Variants in PATJ observed in about 807,000 individuals in gnomAD.
PATJ encodes the protein inaD-like protein.
PATJ carries 190 observed loss-of-function variants against 224.9 expected under a neutral mutation model. The ratio of observed to expected loss-of-function variants is 0.84; its 90% CI spans 0.75 to 0.95. The LOEUF is 0.95. PATJ is among the 40% of genes least tolerant of loss of function. PATJ has a pLI of 0.00. For synonymous variants in PATJ, 769 were observed against 820.3 expected (o/e 0.94, Z 1.07); for missense variants, 2,121 against 2,270.3 (o/e 0.93, Z 1.34).
At chr1:61,967,818 C>T (rs1682385310) in intron 27 of PATJ, among the ~76,000 whole-genome samples, 1 of 152,140 alleles carries the variant, frequency 6.6e-6, no homozygotes, top group South Asian at 2.1e-4. Flanking sequence ...TTCTGTTTTG[C>T]TTGCTTTTTA....
chr1:62,101,627 C>G (rs547103176), intron 33 of PATJ, among the ~76,000 whole-genome samples: 9 of 152,218 alleles, frequency 5.9e-5, no homozygotes, highest in Admixed American at 5.9e-4. Context: ...CCTGGTTGTC[C>G]ATTTTTTCTT....
intron 15 of PATJ, among the ~76,000 whole-genome samples, chr1:61,824,506 G>T (rs1305678968): frequency 6.7e-6 from 1 of 149,490 alleles, no homozygotes; most frequent in African/African-American, 2.5e-5. Context: ...GCTTACTGCA[G>T]CGTCAAACTC....
At chr1:61,754,518 A>ATTTT (rs1557582039) in intron 1 of PATJ, among the ~76,000 whole-genome samples, 1 of 108,416 alleles carries the variant, frequency 9.2e-6, no homozygotes. Context: ...AATTTTTTGC[A>ATTTT]TGTTTTTTTT....
At chr1:62,006,643 C>T (rs1453554067) in intron 28 of PATJ, among the ~76,000 whole-genome samples, 1 of 152,190 alleles carries the variant, frequency 6.6e-6, no homozygotes, top group Admixed American at 6.5e-5. Flanking sequence ...AATGTTATAA[C>T]TAAGTATCCC....
intron 17 of PATJ, among the ~76,000 whole-genome samples, chr1:61,853,320 T>C (rs1663131970): frequency 6.6e-6 from 1 of 152,204 alleles, no homozygotes; most frequent in Non-Finnish European, 1.5e-5. Context: ...GAAAACCTCC[T>C]CACCTATTTG....
chr1:61,805,955 T>C (rs1653462419), intron 13 of PATJ, among the ~76,000 whole-genome samples: 1 of 152,252 alleles, frequency 6.6e-6, no homozygotes, highest in Non-Finnish European at 1.5e-5. Flanking sequence ...TCTTACAGTT[T>C]TATGTGAAAA....
intron 17 of PATJ, among the ~76,000 whole-genome samples, chr1:61,841,517 A>G (rs895134134): frequency 6.6e-6 from 1 of 152,080 alleles, no homozygotes; most frequent in Non-Finnish European, 1.5e-5. Context: ...GGCATGTACT[A>G]TAAGTTATTA....
At chr1:61,948,529 A>C (rs548431884) in intron 27 of PATJ, among the ~76,000 whole-genome samples, 6 of 152,312 alleles carry the variant, frequency 3.9e-5, no homozygotes, top group African/African-American at 1.4e-4. Context: ...ATCTCACACC[A>C]GTTAGAATGG....
chr1:61,790,516 T>G (rs1376111690), intron 8 of PATJ, among the ~76,000 whole-genome samples: 1 of 20,384 alleles, frequency 4.9e-5, no homozygotes, highest in Non-Finnish European at 1.3e-4. Flanking sequence ...CTTTTTTTTG[T>G]TTTTTTTTTT....
intron 26 of PATJ, among the ~76,000 whole-genome samples, chr1:61,917,532 C>A (rs1673623370): frequency 6.6e-6 from 1 of 152,110 alleles, no homozygotes; most frequent in Non-Finnish European, 1.5e-5. Flanking sequence ...TAATAGATTT[C>A]AGAATGTTGA....
At chr1:62,062,361 A>G (rs1655618624) in intron 31 of PATJ, among the ~76,000 whole-genome samples, 1 of 51,728 alleles carries the variant, frequency 1.9e-5, no homozygotes, top group African/African-American at 7.6e-5. Flanking sequence ...GCATTTTTTC[A>G]TATGTTGGTT....
chr1:62,037,517 C>T (rs1371327693), intron 29 of PATJ, among the ~76,000 whole-genome samples: 1 of 152,182 alleles, frequency 6.6e-6, no homozygotes, highest in Admixed American at 6.5e-5. Flanking sequence ...GACACCCCAT[C>T]ATCCTTCATT....
At chr1:62,027,628 CTTTTTTTTTTTTT>C (rs57019359) in intron 29 of PATJ, among the ~76,000 whole-genome samples, 5 of 109,842 alleles carry the variant, frequency 4.6e-5, no homozygotes, top group Admixed American at 1.0e-4. Context: ...GCCAACATTC[CTTTTTTTTTTTTT>C]TTTTTTTTTT....
chr1:61,769,408 G>A lies in PATJ; in HGVS notation c.510G>A (p.Gly170=), dbSNP rs1646475254. The part of the protein sequence containing the change: ...VDIFVKDVQP[G]SVADRDQRLK... ...TCTTCGTGAAGGATGTCCAGCCAGG[G>A]AGTGTAGCAGACAGGTGAGGAAGCT... Residue 170 remains glycine (G), a synonymous_variant, in exon 5 of 44, where the codon GGG becomes GGA. Transcript: ENST00000642238. 1 of 1,613,564 alleles carries A rather than the reference G, an allele frequency of 6.2e-7. No homozygotes were observed. The highest frequency in any genetic ancestry group is 8.5e-7 in the Non-Finnish European group (1 of 1,179,878).
chr1:61,994,351 G>A (rs570262407), intron 28 of PATJ, among the ~76,000 whole-genome samples: 1 of 152,202 alleles, frequency 6.6e-6, no homozygotes, highest in East Asian at 1.9e-4. Flanking sequence ...CTGGTACATA[G>A]CAATACCTTA....
intron 43 of PATJ, among the ~76,000 whole-genome samples, chr1:62,157,925 A>G (rs1669413951): frequency 6.7e-6 from 1 of 148,678 alleles, no homozygotes; most frequent in Non-Finnish European, 1.5e-5. Flanking sequence ...TAAGAGATTG[A>G]CCTAAACACT....
At chr1:61,820,901 C>T (rs900681608) in intron 14 of PATJ, among the ~76,000 whole-genome samples, 1 of 152,148 alleles carries the variant, frequency 6.6e-6, no homozygotes, top group Non-Finnish European at 1.5e-5. Context: ...AGCTTTTCCT[C>T]ACCTCCTTTA....
intron 22 of PATJ, among the ~76,000 whole-genome samples, chr1:61,891,411 G>A (rs1669590871): frequency 6.6e-6 from 1 of 152,198 alleles, no homozygotes; most frequent in South Asian, 2.1e-4. Flanking sequence ...ATCAGGAGGA[G>A]ATGGAAGAAA....
In PATJ at chr1:62,144,773, A is replaced by ATATATATATATATATATAT. The variant is rs1017771263; in HGVS notation, c.5272-3511_5272-3510insTATATATATATATATATAT. On this transcript the variant is annotated intron_variant, in intron 41 of 43. Transcript: ENST00000642238. ...GCTCTAGAATGTTATTTGCAAAAAAAAAAAATATATATATATATATATAAT... is the reference window on the plus strand; with the variant it reads ...GCTCTAGAATGTTATTTGCAAAAAAATATATATATATATATATATAAAAATATATATATATATATATAAT... 9.2e-5 allele frequency among the ~76,000 whole-genome samples: 8 copies of ATATATATATATATATATAT among 86,898 alleles called. No individual in the cohort carries two copies. The South Asian group carries it at 2.0e-3, about 22-fold the overall frequency. The allele number at this position is 86,898 out of a possible 152,430, so 57.0% of individuals were successfully genotyped here. A position where few individuals can be genotyped will look rare whatever the true frequency, so the allele number is the denominator to read the frequency against.
Sources: gnomAD v4.1 joint callset for allele counts (sites outside exome capture counted in the v4.1 genomes callset) on GRCh38, gnomAD v4.1.1 for gene constraint, MANE v1.5 for transcripts, NCBI Gene and HGNC (gene_info 2026-07-23, HGNC 2026-07-21) for gene names.